STRN: variants seen among roughly 807,000 people sequenced by gnomAD.
STRN encodes the protein striatin.
A neutral mutation model predicts 96.3 loss-of-function variants in STRN; 53 were observed. The ratio of observed to expected loss-of-function variants is 0.55; its 90% CI spans 0.44 to 0.69. The LOEUF (loss-of-function observed/expected upper bound fraction) is 0.69, where lower values mean the gene tolerates loss of function less well. Among genes scored for constraint, STRN ranks in the 30% least tolerant of loss-of-function variants. The pLI is 0.00. For synonymous variants in STRN, 428 were observed against 355.9 expected, an observed-to-expected ratio of 1.20 and a Z score of -2.28; for missense variants, 987 against 963.9, an observed-to-expected ratio of 1.02 and a Z score of -0.32.
chr2:36,961,269 C>T (rs1302160211), intron 1 of STRN, among the ~76,000 whole-genome samples: 2 of 150,944 alleles, frequency 1.3e-5, no homozygotes, highest in African/African-American at 2.4e-5. Context: ...TGGGACTAAC[C>T]CGGCTAATTA....
intron 15 of STRN, among the ~76,000 whole-genome samples, chr2:36,853,414 C>G (rs1047095775): frequency 6.6e-6 from 1 of 152,238 alleles, no homozygotes; most frequent in African/African-American, 2.4e-5. Flanking sequence ...AGAGAATAGC[C>G]TCAATTGCTT....
In STRN at chr2:36,869,697, T is replaced by A. The variant is rs1171948787; in HGVS notation, c.1356A>T (p.Thr452=). The part of the protein sequence containing the change: ...IANNKDALRK[T]WNPKFTLRSH... ...TTCTCAATGTAAACTTAGGGTTCCA[T>A]GTCTTCCTCAATGCATCTTTATTGT... The change falls in exon 11 of 18, where the codon ACA becomes ACT. Residue 452 remains threonine (T), a synonymous_variant. Transcript: ENST00000263918. The A allele has an allele frequency of 6.2e-7, 1 of 1,608,554 alleles. No homozygotes were observed. The highest frequency in any genetic ancestry group is 8.5e-7 in the Non-Finnish European group (1 of 1,177,942).
At chr2:36,915,015 G>C (rs1269780857) in intron 3 of STRN, among the ~76,000 whole-genome samples, 2 of 151,446 alleles carry the variant, frequency 1.3e-5, no homozygotes, top group Non-Finnish European at 2.9e-5. Context: ...GGCTAACACG[G>C]TGAAACCCCG....
chr2:36,963,672 C>T (rs1263054148), intron 1 of STRN, among the ~76,000 whole-genome samples: 1 of 151,964 alleles, frequency 6.6e-6, no homozygotes, highest in East Asian at 1.9e-4. Flanking sequence ...AAAGTAGTGT[C>T]CTTGGCCGGG....
At chr2:36,892,751 T>G (rs1391192823) in intron 7 of STRN, among the ~76,000 whole-genome samples, 1 of 152,188 alleles carries the variant, frequency 6.6e-6, no homozygotes, top group Admixed American at 6.5e-5. Context: ...CTGGGAGCAG[T>G]GGCTCATGCT....
intron 10 of STRN, among the ~76,000 whole-genome samples, chr2:36,874,715 GT>G (rs1318987847): frequency 1.9e-5 from 2 of 103,742 alleles, no homozygotes; most frequent in Non-Finnish European, 1.9e-5. Flanking sequence ...TATGTTTAGA[GT>G]TAAAAAAAAA....
intron 13 of STRN, among the ~76,000 whole-genome samples, chr2:36,860,372 G>A (rs1386500287): frequency 6.6e-6 from 1 of 151,974 alleles, no homozygotes; most frequent in East Asian, 1.9e-4. Flanking sequence ...GGGGAGAGTG[G>A]GGTTACCTTT....
chr2:36,942,916 G>A (rs570336173), intron 1 of STRN, among the ~76,000 whole-genome samples: 2 of 152,136 alleles, frequency 1.3e-5, no homozygotes, highest in African/African-American at 2.4e-5. Context: ...GGCTGGTGTC[G>A]AACTCCTGAC....
At chr2:36,961,982 G>A (rs1421297495) in intron 1 of STRN, among the ~76,000 whole-genome samples, 1 of 152,092 alleles carries the variant, frequency 6.6e-6, no homozygotes, top group East Asian at 1.9e-4. Flanking sequence ...AGCTCGAATG[G>A]CATCTTATCA....
At chr2:36,925,018 T>A in intron 2 of STRN, 87 bp downstream of exon 2, 1 of 1,214,100 alleles carries the variant, frequency 8.2e-7, no homozygotes, top group Non-Finnish European at 1.2e-6. Context: ...ATCGTACCAT[T>A]GCACCCCAGC....
chr2:36,870,150 T>C (rs1271932707), intron 10 of STRN, among the ~76,000 whole-genome samples: 1 of 152,150 alleles, frequency 6.6e-6, no homozygotes, highest in Non-Finnish European at 1.5e-5. Context: ...TACTTTCTAA[T>C]AGCTAAATTT....
chr2:36,893,580 A>T (rs192952623), intron 7 of STRN, among the ~76,000 whole-genome samples: 127 of 152,330 alleles, frequency 8.3e-4, no homozygotes, highest in African/African-American at 3.0e-3. Context: ...CTCCAACTAA[A>T]GTCTCATAAT....
In STRN at chr2:36,886,710, A is replaced by G. The variant is rs1669238932; in HGVS notation, c.1042+6T>C. 2.5e-6 allele frequency: 4 copies of G among 1,601,918 alleles called. No homozygotes were observed. The East Asian group carries it at 9.0e-5, about 36-fold the overall frequency. On this transcript the variant is annotated splice_donor_region_variant and intron_variant, in intron 8 of 17. Transcript: ENST00000263918. ...ATGATTTACAGATACAATGTTTTCC[A>G]CTTACTCTTCACCCCCTTTTTCCCC...
At chr2:36,886,886 C>A in intron 7 of STRN, 60 bp from the exon 8 acceptor site, 1 of 1,358,732 alleles carries the variant, frequency 7.4e-7, no homozygotes, top group South Asian at 1.4e-5. Context: ...CACTCTGAGT[C>A]AGTATGTCTG....
intron 8 of STRN, among the ~76,000 whole-genome samples, chr2:36,885,227 T>A (rs1348837575): frequency 6.6e-6 from 1 of 152,130 alleles, no homozygotes; most frequent in Non-Finnish European, 1.5e-5. Flanking sequence ...AATGGAAAAG[T>A]AGATGGATTG....
chr2:36,911,465 T>C (rs558633455), intron 3 of STRN, among the ~76,000 whole-genome samples: 75 of 152,284 alleles, frequency 4.9e-4, no homozygotes, highest in African/African-American at 1.3e-3. Context: ...CTATCACCTG[T>C]TTTTATAGTA....
At chr2:36,886,910 C>T (rs970371572) in intron 7 of STRN, 84 bp from the exon 8 acceptor site, 1 of 1,048,472 alleles carries the variant, frequency 9.5e-7, no homozygotes, top group Non-Finnish European at 1.4e-6. Context: ...GACGTAACAA[C>T]CACTTTCTTT....
At chr2:36,914,197 C>G (rs1158373488) in intron 3 of STRN, among the ~76,000 whole-genome samples, 2 of 152,150 alleles carry the variant, frequency 1.3e-5, no homozygotes, top group Non-Finnish European at 2.9e-5. Flanking sequence ...TGCTACATTG[C>G]CCAGACTGGT....
chr2:36,921,093 T>A (rs1670242864), intron 2 of STRN, among the ~76,000 whole-genome samples: 1 of 151,196 alleles, frequency 6.6e-6, no homozygotes, highest in Non-Finnish European at 1.5e-5. Context: ...AAAATAATAA[T>A]AATATAAGCA....
Sources: gnomAD v4.1 joint callset for allele counts (sites outside exome capture counted in the v4.1 genomes callset) on GRCh38, gnomAD v4.1.1 for gene constraint, MANE v1.5 for transcripts, NCBI Gene and HGNC (gene_info 2026-07-23, HGNC 2026-07-21) for gene names.